Variants in RERE observed in about 807,000 individuals in gnomAD.
RERE encodes the protein arginine-glutamic acid dipeptide repeats.
RERE carries 40 observed loss-of-function variants against 146.1 expected under a neutral mutation model. The ratio of observed to expected loss-of-function variants is 0.27; its 90% CI spans 0.21 to 0.36. The LOEUF (loss-of-function observed/expected upper bound fraction) is 0.36, where lower values mean the gene tolerates loss of function less well. Among genes scored for constraint, RERE ranks in the 10% least tolerant of loss-of-function variants. The pLI, the probability that RERE is intolerant of heterozygous loss-of-function variation, is 1.00. For missense variants in RERE, 1,933 were observed against 2,138.7 expected (o/e 0.90, Z 1.90); for synonymous variants, 1,003 against 866.0 (o/e 1.16, Z -2.78).
intron 3 of RERE, among the ~76,000 whole-genome samples, chr1:8,623,299 A>T (rs537483462): frequency 6.6e-6 from 1 of 152,216 alleles, no homozygotes; most frequent in South Asian, 2.1e-4. Flanking sequence ...AATACAAAAA[A>T]AATCAGCCGG....
chr1:8,705,386 T>C (rs1639537635), intron 1 of RERE, among the ~76,000 whole-genome samples: 1 of 152,148 alleles, frequency 6.6e-6, no homozygotes, highest in Non-Finnish European at 1.5e-5. Context: ...GCCAGCAGGC[T>C]TCTTCCCACC....
intron 4 of RERE, among the ~76,000 whole-genome samples, chr1:8,594,520 G>C (rs1646532271): frequency 6.6e-6 from 1 of 152,132 alleles, no homozygotes; most frequent in African/African-American, 2.4e-5. Flanking sequence ...CAGAGGCGCA[G>C]AAACCACAGA....
Position 8,807,374 on chromosome 1 carries a change from T to C in RERE, c.-145+9786A>G, listed in dbSNP as rs111956016. Among the ~76,000 whole-genome samples, 1,308 of 152,168 alleles carry C rather than the reference T, an allele frequency of 8.6e-3. 11 individuals carry two copies. The highest frequency in any genetic ancestry group is 0.029 in the African/African-American group (1,196 of 41,516). ...CAGCTTTATCCTTAAATTTGAAAAATACTTTGCAGTTCCGCCGCCCCCCAC... is the reference window on the plus strand; with the variant it reads ...CAGCTTTATCCTTAAATTTGAAAAACACTTTGCAGTTCCGCCGCCCCCCAC... On this transcript the variant is annotated intron_variant, in intron 1 of 22. Transcript: ENST00000400908.
At chr1:8,701,158 C>G (rs1326220541) in intron 1 of RERE, among the ~76,000 whole-genome samples, 1 of 152,178 alleles carries the variant, frequency 6.6e-6, no homozygotes, top group Non-Finnish European at 1.5e-5. Flanking sequence ...CTGCATCACA[C>G]ACAGGCAATT....
chr1:8,630,059 G>A (rs1345670911), intron 2 of RERE, among the ~76,000 whole-genome samples: 3 of 152,134 alleles, frequency 2.0e-5, no homozygotes, highest in Non-Finnish European at 4.4e-5. Flanking sequence ...GGAGGTAACA[G>A]TCAATGAGGT....
At chr1:8,649,456 G>A (rs952006825) in intron 2 of RERE, among the ~76,000 whole-genome samples, 5 of 152,100 alleles carry the variant, frequency 3.3e-5, no homozygotes, top group East Asian at 3.9e-4. Flanking sequence ...CAGGCTGGGC[G>A]CGGTGGCTCT....
At chr1:8,460,240 G>A (rs1644509417) in intron 11 of RERE, among the ~76,000 whole-genome samples, 1 of 152,134 alleles carries the variant, frequency 6.6e-6, no homozygotes, top group African/African-American at 2.4e-5. Flanking sequence ...AGTGAACAAT[G>A]AAAACAATGT....
chr1:8,507,651 C>T (rs151037968), intron 8 of RERE, among the ~76,000 whole-genome samples: 3,969 of 148,956 alleles, frequency 0.027, 68 homozygotes, highest in Middle Eastern at 0.086. Flanking sequence ...TCAGGTGATC[C>T]GCCTGCCTCA....
chr1:8,805,930 C>A (rs1022010445), intron 1 of RERE: 2 of 141,246 alleles, frequency 1.4e-5, no homozygotes, highest in African/African-American at 5.3e-5. Context: ...CAGCTCACTG[C>A]AACCTCTGCC....
intron 2 of RERE, among the ~76,000 whole-genome samples, chr1:8,649,532 C>T (rs1367304185): frequency 6.6e-6 from 1 of 151,946 alleles, no homozygotes; most frequent in Non-Finnish European, 1.5e-5. Flanking sequence ...GAGTTCGAGA[C>T]CAGCCTGGCC....
intron 4 of RERE, among the ~76,000 whole-genome samples, chr1:8,597,148 C>T (rs553838641): frequency 4.7e-5 from 7 of 150,032 alleles, no homozygotes; most frequent in Non-Finnish European, 8.8e-5. Flanking sequence ...AGCGCAGTGG[C>T]GTGATCGTGG....
intron 4 of RERE, among the ~76,000 whole-genome samples, chr1:8,576,018 C>G (rs946867735): frequency 1.3e-5 from 2 of 152,120 alleles, no homozygotes; most frequent in African/African-American, 4.8e-5. Flanking sequence ...ATTCCCTACA[C>G]AGGGCATTGA....
intron 4 of RERE, among the ~76,000 whole-genome samples, chr1:8,601,626 C>CCACCCACA (rs1553119506): frequency 2.1e-5 from 2 of 94,914 alleles, no homozygotes; most frequent in African/African-American, 4.4e-5. Context: ...TCCAAGGTCA[C>CCACCCACA]CACACACACA....
intron 12 of RERE, among the ~76,000 whole-genome samples, chr1:8,397,627 G>A (rs1248375880): frequency 7.3e-5 from 11 of 150,798 alleles, no homozygotes; most frequent in Non-Finnish European, 1.5e-5. Flanking sequence ...CACCAAAATG[G>A]CAATAACCCA....
chr1:8,712,353 G>A (rs1301196417), intron 1 of RERE, among the ~76,000 whole-genome samples: 1 of 152,174 alleles, frequency 6.6e-6, no homozygotes, highest in Non-Finnish European at 1.5e-5. Flanking sequence ...GAAGGCATGG[G>A]CTAACTTCTA....
At chr1:8,687,440 A>T (rs568342451) in intron 1 of RERE, among the ~76,000 whole-genome samples, 1 of 152,240 alleles carries the variant, frequency 6.6e-6, no homozygotes, top group East Asian at 1.9e-4. Flanking sequence ...AAGAAACTGC[A>T]TAAGTGAATG....
In RERE at chr1:8,502,463, T is replaced by TG. The variant is rs1321278952; in HGVS notation, c.880-4935dup. Among the ~76,000 whole-genome samples, 407 of 112,330 alleles carry TG rather than the reference T, an allele frequency of 3.6e-3. 1 individual carries two copies. The highest frequency in any genetic ancestry group is 0.014 in the African/African-American group (345 of 24,622). The allele number at this position is 112,330 out of a possible 152,430, so 73.7% of individuals were successfully genotyped here. A position where few individuals can be genotyped will look rare whatever the true frequency, so the allele number is the denominator to read the frequency against. On this transcript the variant is annotated intron_variant, in intron 8 of 22. Coordinates refer to ENST00000400908, the MANE Select transcript of RERE (RefSeq NM_001042681.2). The stretch of plus-strand genomic sequence containing the variant: ...CCAGCCGCCCCGTCCGGGAGGGTGG[T>TG]GGGGGGGTCAGCCCCCTGCCCGGCC...
At chr1:8,359,623 C>G in intron 19 of RERE, 141 bp downstream of exon 19, 1 of 917,084 alleles carries the variant, frequency 1.1e-6, no homozygotes. Flanking sequence ...GGTGTGGAGA[C>G]AGGGTGTAAA....
chr1:8,368,297 C>A (rs1641895899), intron 12 of RERE, among the ~76,000 whole-genome samples: 1 of 151,908 alleles, frequency 6.6e-6, no homozygotes, highest in Non-Finnish European at 1.5e-5. Context: ...TGGTGAAACC[C>A]TGTCTCTACT....
Sources: gnomAD v4.1 joint callset for allele counts (sites outside exome capture counted in the v4.1 genomes callset) on GRCh38, gnomAD v4.1.1 for gene constraint, MANE v1.5 for transcripts, NCBI Gene and HGNC (gene_info 2026-07-23, HGNC 2026-07-21) for gene names.